Variants in FREM1 observed in about 807,000 individuals in gnomAD.
FREM1 encodes FRAS1 related extracellular matrix 1.
A neutral mutation model predicts 210.1 loss-of-function variants in FREM1; 220 were observed. The ratio of observed to expected loss-of-function variants is 1.05; its 90% CI spans 0.94 to 1.17. The LOEUF is 1.17. Ranked by LOEUF, FREM1 falls within the 50% of genes most tolerant of loss-of-function variation. FREM1 has a pLI of 0.00. For missense variants in FREM1, 3,454 were observed against 2,675.5 expected, an observed-to-expected ratio of 1.29 and a Z score of -6.42; for synonymous variants, 1,189 against 980.2, an observed-to-expected ratio of 1.21 and a Z score of -3.98.
rs113996195 is a variant in FREM1, at chr9:14,838,313, C to G, written c.1881+3134G>C. On this transcript the variant is annotated intron_variant, in intron 10 of 36. Coordinates refer to ENST00000380880, the MANE Select transcript of FREM1 (RefSeq NM_001379081.2). Reference sequence around the variant, plus strand: ...CATTTTATCTGGACTTCTAGTTGAGCAGCTGAAAGTTATGAATTTTGTTGA... The same window carrying G: ...CATTTTATCTGGACTTCTAGTTGAGGAGCTGAAAGTTATGAATTTTGTTGA... Among the ~76,000 whole-genome samples, 459 of 152,254 alleles carry G rather than the reference C, an allele frequency of 3.0e-3. 1 individual carries two copies. Among genetic ancestry groups the G allele is most frequent in the Middle Eastern group, 0.01 (3 of 294 alleles).
intron 2 of FREM1, among the ~76,000 whole-genome samples, chr9:14,866,505 C>A (rs1564121072): frequency 6.6e-6 from 1 of 152,112 alleles, no homozygotes; most frequent in Non-Finnish European, 1.5e-5. Flanking sequence ...AGATTATCTC[C>A]AAATTGCCTA....
At chr9:14,835,512 C>T (rs1824398601) in intron 10 of FREM1, among the ~76,000 whole-genome samples, 1 of 152,204 alleles carries the variant, frequency 6.6e-6, no homozygotes, top group African/African-American at 2.4e-5. Flanking sequence ...TTAGGGAGAA[C>T]TGGCCTACCA....
At chr9:14,878,585 T>C (rs542901065) in intron 1 of FREM1, among the ~76,000 whole-genome samples, 2 of 152,338 alleles carry the variant, frequency 1.3e-5, no homozygotes, top group South Asian at 2.1e-4. Flanking sequence ...TATTAGGTTG[T>C]TGCAACAGTA....
At chr9:14,749,584 C>G (rs891724522) in intron 30 of FREM1, among the ~76,000 whole-genome samples, 2 of 152,174 alleles carry the variant, frequency 1.3e-5, no homozygotes, top group Non-Finnish European at 2.9e-5. Context: ...TTATTTAGTT[C>G]ACAGGTTGTT....
intron 1 of FREM1, among the ~76,000 whole-genome samples, chr9:14,885,357 T>C (rs1835622643): frequency 6.6e-6 from 1 of 152,158 alleles, no homozygotes. Context: ...CAATTATTTA[T>C]TGTTCGTTTT....
Position 14,863,873 on chromosome 9 carries a change from C to G in FREM1, c.265G>C (p.Val89Leu). 6.2e-7 allele frequency: 1 copy of G among 1,612,978 alleles called. No individual in the cohort carries two copies. The highest frequency in any genetic ancestry group is 8.5e-7 in the Non-Finnish European group (1 of 1,179,054). ...VFDCHFLPNEVKYVHNGCPIL... is the reference protein window; with the variant it reads ...VFDCHFLPNELKYVHNGCPIL... ...GGACAACCATTGTGAACATACTTGA[C>G]TTCGTTGGGAAGGAAATGGCAGTCA... is the stretch of plus-strand genomic sequence containing the variant. Residue 89 changes from valine (V) to leucine (L), a missense_variant, in exon 3 of 37, where the codon GTC (valine) becomes CTC (leucine). Coordinates refer to ENST00000380880, the MANE Select transcript of FREM1 (RefSeq NM_001379081.2).
intron 17 of FREM1, among the ~76,000 whole-genome samples, chr9:14,807,137 G>C (rs558905354): frequency 5.8e-4 from 89 of 152,298 alleles, no homozygotes; most frequent in African/African-American, 2.1e-3. Context: ...CAGCCCTTTA[G>C]TCATTCTCAA....
At chr9:14,750,300 T>A in intron 29 of FREM1, 24 bp from the exon 30 acceptor site, 1 of 1,568,332 alleles carries the variant, frequency 6.4e-7, no homozygotes, top group Non-Finnish European at 8.8e-7. Context: ...ACATTTTAAT[T>A]ACTCTTTAAT....
At chr9:14,813,811 G>T (rs1467918237) in intron 15 of FREM1, among the ~76,000 whole-genome samples, 1 of 152,222 alleles carries the variant, frequency 6.6e-6, no homozygotes, top group Non-Finnish European at 1.5e-5. Flanking sequence ...ACAACTTGGT[G>T]TGTGCTGCAA....
intron 10 of FREM1, among the ~76,000 whole-genome samples, chr9:14,832,106 C>G (rs1404883584): frequency 3.9e-5 from 6 of 152,314 alleles, no homozygotes; most frequent in African/African-American, 1.4e-4. Context: ...GACCTTGAAA[C>G]TTTGAAGAAA....
At chr9:14,892,584 C>A (rs980778922) in intron 1 of FREM1, among the ~76,000 whole-genome samples, 6 of 152,096 alleles carry the variant, frequency 3.9e-5, no homozygotes, top group African/African-American at 1.4e-4. Context: ...ACCACCATTT[C>A]TTTGGGTTAA....
chr9:14,782,071 T>C (rs1199821843), intron 24 of FREM1, among the ~76,000 whole-genome samples: 1 of 152,216 alleles, frequency 6.6e-6, no homozygotes, highest in African/African-American at 2.4e-5. Flanking sequence ...AGACTATTGA[T>C]GGCTAGTCCT....
chr9:14,811,319 T>C (rs1192957580), intron 16 of FREM1, among the ~76,000 whole-genome samples: 1 of 152,232 alleles, frequency 6.6e-6, no homozygotes, highest in Admixed American at 6.5e-5. Context: ...ATACCTGTTG[T>C]TTAGCACTTA....
intron 35 of FREM1, among the ~76,000 whole-genome samples, chr9:14,744,951 G>A (rs111580056): frequency 0.049 from 7,515 of 152,218 alleles, 603 homozygotes; most frequent in African/African-American, 0.17. Context: ...AAAAGAACAA[G>A]ATTATGTCCT....
At chr9:14,742,984 T>C (rs1262353949) in intron 35 of FREM1, among the ~76,000 whole-genome samples, 2 of 152,122 alleles carry the variant, frequency 1.3e-5, no homozygotes, top group African/African-American at 2.4e-5. Flanking sequence ...TCCTTGAACC[T>C]CTTTTTAAAA....
In FREM1 at chr9:14,869,153, T is replaced by A. The variant is rs545619307; in HGVS notation, c.-176A>T. On this transcript the variant is annotated 5_prime_UTR_variant, in exon 2 of 37. In the 5' UTR this introduces an upstream ATG that the reference lacks. Coordinates refer to ENST00000380880, the MANE Select transcript of FREM1 (RefSeq NM_001379081.2). ...CATTTCAAAGTCAGACAAGGGGGCC[T>A]TTCAGGCAATCCCAGGGCTTTTAAT... 129 of 545,268 alleles carry A rather than the reference T, an allele frequency of 2.4e-4. 3 individuals carry two copies. In the South Asian group the frequency reaches 3.9e-3, roughly 17 times the overall value. 33.8% of individuals were successfully genotyped at this position (545,268 alleles called of 1,614,324 possible).
In FREM1 at chr9:14,842,585, G is replaced by C. The variant is rs969313908; in HGVS notation, c.1469C>G (p.Ser490Cys). 1.9e-6 allele frequency: 3 copies of C among 1,613,980 alleles called. No homozygotes were observed. The highest frequency in any genetic ancestry group is 1.1e-5 in the South Asian group (1 of 91,084). ...CCGGAAGACCACGAAGTCTTTGGTG[G>C]AGTCGCTGTCATCATGATGATAGCG... Reference protein sequence around the residue: ...VVRYHHDDSDSTKDFVVFRIF... With the variant: ...VVRYHHDDSDCTKDFVVFRIF... The change falls in exon 9 of 37, where the codon TCC (serine) becomes TGC (cysteine). Residue 490 changes from serine to cysteine, a missense_variant. Ser to Cys is a moderately radical substitution (Grantham distance 112, BLOSUM62 -1). Transcript: ENST00000380880.
In FREM1 at chr9:14,740,140, G is replaced by T. The variant is rs562121209; in HGVS notation, c.6340+9C>A. On this transcript the variant is annotated intron_variant, in intron 36 of 36. Transcript: ENST00000380880. ...CCTCCTCAGTGCAGCCTCCCTCCCA[G>T]ATACTTGCCTATCCAAAAGGACTTT... is the stretch of plus-strand genomic sequence containing the variant. 2 of 1,601,216 alleles carry T rather than the reference G, an allele frequency of 1.2e-6. No homozygotes were observed. The highest frequency in any genetic ancestry group is 2.2e-5 in the East Asian group (1 of 44,704).
chr9:14,748,781 C>T, intron 30 of FREM1, 142 bp from the exon 31 acceptor site: 1 of 615,770 alleles, frequency 1.6e-6, no homozygotes. Context: ...TGCCATTTGC[C>T]AGAAACTCCT....
Sources: gnomAD v4.1 joint callset for allele counts (sites outside exome capture counted in the v4.1 genomes callset) on GRCh38, gnomAD v4.1.1 for gene constraint, MANE v1.5 for transcripts, NCBI Gene and HGNC (gene_info 2026-07-23, HGNC 2026-07-21) for gene names.